The following GSE1 variants were observed in gnomAD, a reference collection of about 807,000 sequenced individuals.
GSE1 encodes the protein genetic suppressor element 1.
In GSE1, 32 loss-of-function variants were observed where a neutral mutation model predicts 112.6. The observed-to-expected ratio is 0.28, with a 90% CI of 0.21 to 0.38. GSE1 has a LOEUF of 0.38. Among genes scored for constraint, GSE1 ranks in the 10% least tolerant of loss-of-function variants. The pLI is 1.00. For synonymous variants in GSE1, 1,115 were observed against 735.6 expected, an observed-to-expected ratio of 1.52 and a Z score of -8.35; for missense variants, 2,348 against 1,699.2, an observed-to-expected ratio of 1.38 and a Z score of -6.71.
At position 85,208,116 on chromosome 16, in the gene GSE1, T is replaced by C. The variant is rs74887876; in HGVS notation, c.2283+36309T>C. On this transcript the variant is annotated intron_variant, in intron 1 of 2. Coordinates refer to the GSE1 transcript ENST00000637419. ...TTAGGAGGGAGTCAGGATGCCTGGT[T>C]GTCGTCCTTGTCCTTGAATGGCCTG... Among the ~76,000 whole-genome samples, 45 of 152,288 alleles carry C rather than the reference T, an allele frequency of 3.0e-4. 1 individual carries two copies. The East Asian group carries it at 4.6e-3, about 16-fold the overall frequency.
intron 1 of GSE1, among the ~76,000 whole-genome samples, chr16:85,618,011 G>T (rs1191103325): frequency 6.6e-6 from 1 of 152,188 alleles, no homozygotes; most frequent in African/African-American, 2.4e-5. Flanking sequence ...GGTCATTCTT[G>T]CCTGGCCCAG....
intron 1 of GSE1, among the ~76,000 whole-genome samples, chr16:85,623,731 C>T (rs1196179743): frequency 6.6e-6 from 1 of 152,190 alleles, no homozygotes; most frequent in East Asian, 1.9e-4. Context: ...GTTTTCCAGT[C>T]ATCACCATCT....
chr16:85,517,001 G>A (rs1410186364), intron 2 of GSE1, among the ~76,000 whole-genome samples: 1 of 152,140 alleles, frequency 6.6e-6, no homozygotes, highest in Non-Finnish European at 1.5e-5. Flanking sequence ...GTTTCACCGT[G>A]TTAGCCAGGA....
At chr16:85,384,080 C>T (rs1417184363) in intron 2 of GSE1, among the ~76,000 whole-genome samples, 2 of 152,108 alleles carry the variant, frequency 1.3e-5, no homozygotes, top group East Asian at 3.8e-4. Flanking sequence ...CTCCAGAGAG[C>T]ACGTCTCCCT....
chr16:85,349,097 C>T (rs750063342), intron 1 of GSE1, among the ~76,000 whole-genome samples: 1 of 152,182 alleles, frequency 6.6e-6, no homozygotes, highest in Non-Finnish European at 1.5e-5. Flanking sequence ...ACTCATTTGC[C>T]GGGTGCTGTG....
chr16:85,608,603 G>T (rs184413077), upstream of GSE1, among the ~76,000 whole-genome samples: 2 of 152,224 alleles, frequency 1.3e-5, no homozygotes, highest in Non-Finnish European at 2.9e-5. Context: ...GCTGCCAGGT[G>T]TAAGAGCCAC....
In GSE1 at chr16:85,648,747, G is replaced by T. The variant is rs768318723; in HGVS notation, c.422G>T (p.Arg141Leu). The T allele has an allele frequency of 1.3e-6, 2 of 1,579,010 alleles. No individual in the cohort carries two copies. The highest frequency in any genetic ancestry group is 1.7e-6 in the Non-Finnish European group (2 of 1,162,880). ...TVNGVWRSES[R>L]QDAGSRSSSG... is the part of the protein sequence containing the mutation. Reference sequence around the variant, plus strand: ...AATGGTGTCTGGAGGAGTGAGAGCCGGCAGGTGAGTGGGGCGGGGCAGGGA... The same window carrying T: ...AATGGTGTCTGGAGGAGTGAGAGCCTGCAGGTGAGTGGGGCGGGGCAGGGA... Residue 141 changes from arginine to leucine, a missense_variant, in exon 3 of 16, where the codon CGG (arginine) becomes CTG (leucine). Transcript: ENST00000253458.
exon 1 of GSE1, chr16:85,169,580 G>C (rs1254363171): frequency 3.1e-6 from 3 of 981,464 alleles, no homozygotes; most frequent in Non-Finnish European, 3.6e-6. Context: ...GCAGCCGTGG[G>C]CGAGCGGGCT....
intron 6 of GSE1, 122 bp from the exon 7 acceptor site, chr16:85,656,221 C>A: frequency 8.0e-7 from 1 of 1,250,206 alleles, no homozygotes; most frequent in Non-Finnish European, 1.1e-6. Context: ...CCCGGCTCAC[C>A]TCCCGTCACT....
At chr16:85,494,787 G>A (rs755252253) in intron 2 of GSE1, among the ~76,000 whole-genome samples, 8 of 152,256 alleles carry the variant, frequency 5.3e-5, no homozygotes, top group Non-Finnish European at 5.9e-5. Context: ...TCAGGAGCTA[G>A]AAGGGGCTTT....
At chr16:85,296,046 A>G (rs1185048643) in intron 1 of GSE1, among the ~76,000 whole-genome samples, 2 of 152,170 alleles carry the variant, frequency 1.3e-5, no homozygotes, top group East Asian at 3.9e-4. Flanking sequence ...GCCAGTTTGG[A>G]TCAGCTTTGC....
chr16:85,299,736 T>C (rs1281066054), intron 1 of GSE1, among the ~76,000 whole-genome samples: 1 of 152,146 alleles, frequency 6.6e-6, no homozygotes, highest in African/African-American at 2.4e-5. Context: ...AAGACCAGCC[T>C]GGGCAACATA....
intron 2 of GSE1, among the ~76,000 whole-genome samples, chr16:85,425,855 G>C (rs568379920): frequency 6.6e-6 from 1 of 152,234 alleles, no homozygotes; most frequent in Non-Finnish European, 1.5e-5. Flanking sequence ...CCTAGACTGA[G>C]ACCTCACAAT....
rs140995688 is a variant in GSE1 at position 85,537,384 on chromosome 16, G to A, written c.2465-96530G>A. The stretch of plus-strand genomic sequence containing the variant: ...ATCTCTGCCCCGCTCCTGGGAGCTC[G>A]GTGACTCCTGGACCTGAGACGAGCT... On this transcript the variant is annotated intron_variant, in intron 2 of 2. Transcript: ENST00000637419. Among the ~76,000 whole-genome samples the A allele has an allele frequency of 1.4e-4, 21 of 152,330 alleles. No individual in the cohort carries two copies. The East Asian group carries it at 3.1e-3, about 22-fold the overall frequency.
chr16:85,619,865 C>T (rs1329858373), intron 1 of GSE1, among the ~76,000 whole-genome samples: 1 of 152,154 alleles, frequency 6.6e-6, no homozygotes, highest in Non-Finnish European at 1.5e-5. Flanking sequence ...CCTGTAGTCA[C>T]ACAGCTGGTA....
intron 1 of GSE1, among the ~76,000 whole-genome samples, chr16:85,331,905 C>T (rs1040825198): frequency 1.3e-5 from 2 of 151,940 alleles, no homozygotes; most frequent in African/African-American, 4.8e-5. Flanking sequence ...AAGCTTGAGG[C>T]GCAGGGCCTA....
intron 2 of GSE1, among the ~76,000 whole-genome samples, chr16:85,447,478 C>T (rs1056543521): frequency 6.6e-5 from 10 of 152,244 alleles, no homozygotes; most frequent in African/African-American, 1.9e-4. Flanking sequence ...CACACTGGTG[C>T]GCTGTGAGGA....
At position 85,395,249 on chromosome 16, in the gene GSE1, C is replaced by T. The variant is rs374579200; in HGVS notation, c.2464+37606C>T. On this transcript the variant is annotated intron_variant, in intron 2 of 2. Transcript: ENST00000637419. The stretch of plus-strand genomic sequence containing the variant: ...ACCGAATGAACAGGTAAAATCTATA[C>T]GAGGCCCAGAAAAATCCAAGCCCCG... 2.6e-5 allele frequency among the ~76,000 whole-genome samples: 4 copies of T among 152,270 alleles called. No individual in the cohort carries two copies. In the South Asian group the frequency reaches 8.3e-4, roughly 32 times the overall value.
intron 1 of GSE1, among the ~76,000 whole-genome samples, chr16:85,623,094 C>T (rs547314833): frequency 2.0e-5 from 3 of 152,202 alleles, no homozygotes; most frequent in Non-Finnish European, 4.4e-5. Flanking sequence ...GGCACCTTCT[C>T]GTTGACTTGA....
Sources: allele counts gnomAD v4.1 joint callset (sites outside exome capture counted in the v4.1 genomes callset), GRCh38; gene constraint gnomAD v4.1.1; transcripts MANE v1.5; gene names NCBI Gene and HGNC (gene_info 2026-07-23, HGNC 2026-07-21).